The following TMEM60 variants were observed in gnomAD, a reference collection of about 807,000 sequenced individuals.
TMEM60 encodes chromosome 7 open reading frame 35.
Under a neutral mutation model 10.7 loss-of-function variants are expected in TMEM60, and 4 were observed. That is an observed-to-expected ratio of 0.37 (90% CI 0.18 to 0.86). The LOEUF is 0.86. Among genes scored for constraint, TMEM60 ranks in the 40% least tolerant of loss-of-function variants. TMEM60 has a pLI of 0.43. For missense variants in TMEM60, 128 were observed against 153.4 expected (o/e 0.83, Z 0.88); for synonymous variants, 56 against 58.1 (o/e 0.96, Z 0.17).
Position 77,793,824 on chromosome 7 carries a change from A to AT in TMEM60, c.*147dup. On this transcript the variant is annotated 3_prime_UTR_variant, in exon 2 of 2. Coordinates refer to ENST00000257663, the MANE Select transcript of TMEM60 (RefSeq NM_032936.4). The stretch of plus-strand genomic sequence containing the variant: ...GCTGTAGGTTGACTAGAAGTCCGTG[A>AT]TTCACCAATCCTGTTTTATGGAAGT... 1 of 848,602 alleles carries AT rather than the reference A, an allele frequency of 1.2e-6. No individual in the cohort carries two copies. Among genetic ancestry groups the AT allele is most frequent in the Non-Finnish European group, 1.7e-6 (1 of 588,828 alleles). The allele number at this position is 848,602 out of a possible 1,614,324, so 52.6% of individuals were successfully genotyped here. A position where few individuals can be genotyped will look rare whatever the true frequency, so the allele number is the denominator to read the frequency against.
chr7:77,795,722 C>G (rs918644744), intron 1 of TMEM60, among the ~76,000 whole-genome samples: 4 of 151,996 alleles, frequency 2.6e-5, no homozygotes, highest in Non-Finnish European at 5.9e-5. Flanking sequence ...TTTTTTTAAG[C>G]TACTTGTTAT....
chr7:77,794,428 G>C lies in TMEM60; in HGVS notation c.-50-5C>G. ...TCGGAAAAAAGGAAATATACCCTAA[G>C]AGAAGGAGAAAAAGTCAAGATTGTT... On this transcript the variant is annotated splice_region_variant and splice_polypyrimidine_tract_variant and intron_variant, in intron 1 of 1. Transcript: ENST00000257663. 7.1e-7 allele frequency: 1 copy of C among 1,417,162 alleles called. No individual in the cohort carries two copies. The highest frequency in any genetic ancestry group is 9.2e-7 in the Non-Finnish European group (1 of 1,083,034). The allele number at this position is 1,417,162 out of a possible 1,614,324, so 87.8% of individuals were successfully genotyped here.
intron 1 of TMEM60, among the ~76,000 whole-genome samples, chr7:77,796,157 C>T (rs998015933): frequency 2.6e-5 from 4 of 152,060 alleles, no homozygotes; most frequent in African/African-American, 7.2e-5. Context: ...AGGCTGATCT[C>T]GAACTCCTGA....
intron 1 of TMEM60, among the ~76,000 whole-genome samples, chr7:77,796,708 A>AG (rs1792172748): frequency 1.3e-5 from 2 of 152,356 alleles, no homozygotes; most frequent in African/African-American, 4.8e-5. Context: ...AGAAGGTGCT[A>AG]GGGATAGGAA....
At position 77,794,240 on chromosome 7, in the gene TMEM60, A is replaced by G; in HGVS notation, c.134T>C (p.Phe45Ser). The change falls in exon 2 of 2, where the codon TTT (phenylalanine) becomes TCT (serine). Residue 45 changes from phenylalanine (F) to serine (S), a missense_variant. Phe to Ser is a radical substitution (Grantham distance 155). Coordinates refer to ENST00000257663, the MANE Select transcript of TMEM60 (RefSeq NM_032936.4). The part of the protein sequence containing the change: ...WFLIFIPVWI[F>S]DTILLVLLIV... The stretch of plus-strand genomic sequence containing the variant: ...CAGCAGGACAAGAAGGATAGTATCA[A>G]ATATCCAGACTGGAATGAATATGAG... 6.2e-7 allele frequency: 1 copy of G among 1,614,108 alleles called. No homozygotes were observed. The highest frequency in any genetic ancestry group is 2.2e-5 in the East Asian group (1 of 44,874).
chr7:77,795,531 A>G (rs1384458722), intron 1 of TMEM60, among the ~76,000 whole-genome samples: 2 of 152,118 alleles, frequency 1.3e-5, no homozygotes, highest in African/African-American at 4.8e-5. Context: ...AAAAGATTGT[A>G]AAGAGGTTGT....
chr7:77,795,124 C>T (rs1365573288), intron 1 of TMEM60, among the ~76,000 whole-genome samples: 1 of 152,180 alleles, frequency 6.6e-6, no homozygotes, highest in Non-Finnish European at 1.5e-5. Context: ...CATGCCACTA[C>T]ACTCCAGCCT....
rs749773249 is a variant in TMEM60, at chr7:77,794,142, CT to C, written c.231del (p.Ala78ProfsTer11). On this transcript the variant is annotated frameshift_variant, in exon 2 of 2. Coordinates refer to ENST00000257663, the MANE Select transcript of TMEM60 (RefSeq NM_032936.4). LOFTEE classifies it high-confidence loss of function. ...PRHGSHNIKKKAWYLIAMLLK... is the reference protein window; with the variant it reads ...PRHGSHNIKKXAWYLIAMLLK... ...AGTAACATTGCAATGAGGTACCAGG[CT>C]TTTTTTTTAATATTGTGTGATCCAT... 99 of 1,605,416 alleles carry C rather than the reference CT, an allele frequency of 6.2e-5. No individual in the cohort carries two copies. The highest frequency in any genetic ancestry group is 3.6e-4 in the Admixed American group (21 of 58,994).
intron 1 of TMEM60, 78 bp from the exon 2 acceptor site, chr7:77,794,501 G>C: frequency 3.1e-6 from 3 of 966,656 alleles, no homozygotes; most frequent in Non-Finnish European, 4.2e-6. Flanking sequence ...GAACAAAACT[G>C]GTTCTTTCCC....
In TMEM60 at chr7:77,798,334, C is replaced by T. The variant is rs141110008; in HGVS notation, c.-131G>A. The T allele has an allele frequency of 6.6e-6, 1 of 152,294 alleles. No homozygotes were observed. The highest frequency in any genetic ancestry group is 2.4e-5 in the African/African-American group (1 of 41,560). The allele number at this position is 152,294 out of a possible 1,614,324, so 9.4% of individuals were successfully genotyped here. A position where few individuals can be genotyped will look rare whatever the true frequency, so the allele number is the denominator to read the frequency against. On this transcript the variant is annotated 5_prime_UTR_variant, in exon 1 of 2. Coordinates refer to ENST00000257663, the MANE Select transcript of TMEM60 (RefSeq NM_032936.4). Reference sequence around the variant, plus strand: ...CAGTTTGGATCCTTGTCCTTTTCCGCCCTTTTCCCCCCATTAAATCCAGAA... The same window carrying T: ...CAGTTTGGATCCTTGTCCTTTTCCGTCCTTTTCCCCCCATTAAATCCAGAA...
intron 1 of TMEM60, among the ~76,000 whole-genome samples, chr7:77,795,710 T>C (rs1792161115): frequency 6.6e-6 from 1 of 152,224 alleles, no homozygotes; most frequent in Non-Finnish European, 1.5e-5. Context: ...TGTATATATG[T>C]ATTTTTTTAA....
Position 77,793,935 on chromosome 7 carries a change from T to C in TMEM60, c.*37A>G, listed in dbSNP as rs530198447. ...TTCAGAACACTTTAATGGTAACTTGTTGAACAGCAATAGAAAGGAGATGAT... is the reference window on the plus strand; with the variant it reads ...TTCAGAACACTTTAATGGTAACTTGCTGAACAGCAATAGAAAGGAGATGAT... On this transcript the variant is annotated 3_prime_UTR_variant, in exon 2 of 2. Coordinates refer to ENST00000257663, the MANE Select transcript of TMEM60 (RefSeq NM_032936.4). 1.1e-5 allele frequency: 17 copies of C among 1,505,724 alleles called. No homozygotes were observed. The African/African-American group carries it at 1.7e-4, about 15-fold the overall frequency. The allele number at this position is 1,505,724 out of a possible 1,614,324, so 93.3% of individuals were successfully genotyped here. A position where few individuals can be genotyped will look rare whatever the true frequency, so the allele number is the denominator to read the frequency against.
At chr7:77,797,614 CTAAAA>C (rs775477143) in intron 1 of TMEM60, among the ~76,000 whole-genome samples, 7 of 152,208 alleles carry the variant, frequency 4.6e-5, no homozygotes, top group Non-Finnish European at 8.8e-5. Context: ...ATGTGCTCAA[CTAAAA>C]TGTTTCCCAT....
At chr7:77,795,548 A>G (rs976227351) in intron 1 of TMEM60, among the ~76,000 whole-genome samples, 2 of 152,144 alleles carry the variant, frequency 1.3e-5, no homozygotes, top group Non-Finnish European at 2.9e-5. Flanking sequence ...TTGTTGGGCT[A>G]TATAATATAA....
intron 1 of TMEM60, among the ~76,000 whole-genome samples, chr7:77,795,379 G>A (rs1411305059): frequency 6.6e-6 from 1 of 151,994 alleles, no homozygotes; most frequent in Non-Finnish European, 1.5e-5. Flanking sequence ...AAATTTAGGT[G>A]CAGTAGCACG....
chr7:77,794,314 C>G lies in TMEM60; in HGVS notation c.60G>C (p.Leu20Phe), dbSNP rs1290988867. The change falls in exon 2 of 2, where the codon TTG (leucine) becomes TTC (phenylalanine). Residue 20 changes from leucine to phenylalanine, a missense_variant. Coordinates refer to ENST00000257663, the MANE Select transcript of TMEM60 (RefSeq NM_032936.4). Reference protein sequence around the residue: ...LLTWLFTLLFLIMLVLKLDEK... With the variant: ...LLTWLFTLLFFIMLVLKLDEK... ...CATCCAGTTTCAACACCAACATGATCAAGAAGAGTAGTGTGAAAAGCCAGG... is the reference window on the plus strand; with the variant it reads ...CATCCAGTTTCAACACCAACATGATGAAGAAGAGTAGTGTGAAAAGCCAGG... 15 of 1,609,762 alleles carry G rather than the reference C, an allele frequency of 9.3e-6. No individual in the cohort carries two copies. The Admixed American group carries it at 2.5e-4, about 27-fold the overall frequency.
chr7:77,794,458 T>A, intron 1 of TMEM60, 35 bp from the exon 2 acceptor site: 1 of 1,356,714 alleles, frequency 7.4e-7, no homozygotes, highest in Non-Finnish European at 9.6e-7. Flanking sequence ...ATTGTTTTGA[T>A]ACCAGAAAAA....
chr7:77,794,234 G>A lies in TMEM60; in HGVS notation c.140C>T (p.Thr47Ile). Residue 47 changes from threonine to isoleucine, a missense_variant, in exon 2 of 2, where the codon ACT becomes ATT. By Grantham distance (89) the Thr-to-Ile change is moderately conservative. Transcript: ENST00000257663. ...LIFIPVWIFDTILLVLLIVKM... is the reference protein window; with the variant it reads ...LIFIPVWIFDIILLVLLIVKM... ...CACAATCAGCAGGACAAGAAGGATA[G>A]TATCAAATATCCAGACTGGAATGAA... is the stretch of plus-strand genomic sequence containing the variant. 1 of 1,613,992 alleles carries A rather than the reference G, an allele frequency of 6.2e-7. No homozygotes were observed. Among genetic ancestry groups the A allele is most frequent in the Non-Finnish European group, 8.5e-7 (1 of 1,179,990 alleles).
rs751259972 is a variant in TMEM60 at position 77,794,320 on chromosome 7, G to A, written c.54C>T (p.Leu18=). The stretch of plus-strand genomic sequence containing the variant: ...GTTTCAACACCAACATGATCAAGAA[G>A]AGTAGTGTGAAAAGCCAGGTGAGTA... The part of the protein sequence containing the change: ...RVLLTWLFTL[L]FLIMLVLKLD... The change falls in exon 2 of 2, where the codon CTC becomes CTT. Residue 18 remains leucine, a synonymous_variant. Transcript: ENST00000257663. 6.2e-7 allele frequency: 1 copy of A among 1,607,658 alleles called. No homozygotes were observed. The highest frequency in any genetic ancestry group is 1.1e-5 in the South Asian group (1 of 89,706).
Sources: allele counts gnomAD v4.1 joint callset (sites outside exome capture counted in the v4.1 genomes callset), GRCh38; gene constraint gnomAD v4.1.1; transcripts MANE v1.5; gene names NCBI Gene and HGNC (gene_info 2026-07-23, HGNC 2026-07-21).